CCDC192: variants seen among roughly 807,000 people sequenced by gnomAD.
The protein encoded by CCDC192 is coiled-coil domain containing 192.
chr5:127,911,777 G>T (rs1034607110), intron 6 of CCDC192, among the ~76,000 whole-genome samples: 3 of 147,868 alleles, frequency 2.0e-5, no homozygotes, highest in African/African-American at 7.5e-5. Flanking sequence ...TGTAATCATA[G>T]CTCTCTGCAG....
At chr5:127,836,079 C>T (rs1750022027) in intron 5 of CCDC192, among the ~76,000 whole-genome samples, 1 of 152,224 alleles carries the variant, frequency 6.6e-6, no homozygotes, top group African/African-American at 2.4e-5. Context: ...AAGTTAGTTA[C>T]TTCCAAGATA....
intron 6 of CCDC192, among the ~76,000 whole-genome samples, chr5:127,907,600 G>A (rs1008649843): frequency 1.3e-5 from 2 of 152,008 alleles, no homozygotes; most frequent in African/African-American, 4.8e-5. Context: ...CTATTTCAAA[G>A]GTTTTGCTTT....
At chr5:127,869,127 A>G (rs1751737933) in intron 5 of CCDC192, among the ~76,000 whole-genome samples, 1 of 152,152 alleles carries the variant, frequency 6.6e-6, no homozygotes, top group Non-Finnish European at 1.5e-5. Flanking sequence ...GTTCGAGAGC[A>G]GCCTGGCCAA....
intron 5 of CCDC192, among the ~76,000 whole-genome samples, chr5:127,817,295 A>T (rs955673652): frequency 1.3e-5 from 2 of 152,208 alleles, no homozygotes; most frequent in Non-Finnish European, 2.9e-5. Flanking sequence ...GTTCCTAGGT[A>T]TATACTGCAG....
intron 2 of CCDC192, among the ~76,000 whole-genome samples, chr5:127,730,206 C>A (rs1316464257): frequency 6.6e-6 from 1 of 152,132 alleles, no homozygotes; most frequent in Admixed American, 6.5e-5. Context: ...ACTGACCCCA[C>A]AGAATATACA....
At chr5:127,785,966 C>T (rs530361750) in intron 3 of CCDC192, 1 of 540,752 alleles carries the variant, frequency 1.8e-6, no homozygotes, top group South Asian at 2.0e-5. Flanking sequence ...ATTTTGGGGT[C>T]ATTTAAAGCA....
intron 6 of CCDC192, among the ~76,000 whole-genome samples, chr5:127,895,696 C>T (rs953114236): frequency 2.6e-5 from 4 of 151,904 alleles, no homozygotes. Context: ...AAAAATTAGC[C>T]AGGCACGGTG....
intron 6 of CCDC192, among the ~76,000 whole-genome samples, chr5:127,936,260 T>C (rs1387209415): frequency 6.6e-6 from 1 of 152,224 alleles, no homozygotes; most frequent in East Asian, 1.9e-4. Flanking sequence ...TTGTTATCTA[T>C]TTAGTTATTA....
chr5:127,761,080 T>G (rs1041994444), intron 3 of CCDC192, among the ~76,000 whole-genome samples: 1 of 152,212 alleles, frequency 6.6e-6, no homozygotes, highest in Non-Finnish European at 1.5e-5. Context: ...CTGCTCCCCT[T>G]CAAGCCCATT....
chr5:127,762,601 G>A (rs560020925), intron 3 of CCDC192, among the ~76,000 whole-genome samples: 1 of 152,116 alleles, frequency 6.6e-6, no homozygotes, highest in Non-Finnish European at 1.5e-5. Flanking sequence ...GTGGATTGTT[G>A]GCCTGTTACA....
intron 2 of CCDC192, among the ~76,000 whole-genome samples, chr5:127,734,711 T>G (rs1322585232): frequency 6.8e-6 from 1 of 148,040 alleles, no homozygotes; most frequent in Non-Finnish European, 1.5e-5. Flanking sequence ...GTTTTTTGGC[T>G]GCATAAATGT....
At chr5:127,787,281 C>T (rs532187002) in intron 3 of CCDC192, among the ~76,000 whole-genome samples, 8 of 152,318 alleles carry the variant, frequency 5.3e-5, no homozygotes, top group Admixed American at 1.3e-4. Context: ...AAACCCCCAT[C>T]CCACCAATGT....
chr5:127,915,888 C>T (rs1386078034), intron 6 of CCDC192, among the ~76,000 whole-genome samples: 1 of 152,142 alleles, frequency 6.6e-6, no homozygotes, highest in Non-Finnish European at 1.5e-5. Context: ...GTGGTGGCGG[C>T]TGAAGGTCTG....
chr5:127,916,935 CCT>C (rs1753537136), intron 6 of CCDC192, among the ~76,000 whole-genome samples: 1 of 152,202 alleles, frequency 6.6e-6, no homozygotes, highest in Non-Finnish European at 1.5e-5. Flanking sequence ...CATTGATTCT[CCT>C]CTCTAGCTAG....
intron 2 of CCDC192, among the ~76,000 whole-genome samples, chr5:127,722,038 A>G (rs866217848): frequency 6.6e-6 from 1 of 152,212 alleles, no homozygotes; most frequent in South Asian, 2.1e-4. Flanking sequence ...TATCACCTCC[A>G]TACTGTTCTT....
chr5:127,786,104 T>G, intron 3 of CCDC192: 1 of 991,388 alleles, frequency 1.0e-6, no homozygotes, highest in South Asian at 1.4e-5. Context: ...AAATCTTCAT[T>G]TTTGTCAGCA....
At chr5:127,902,565 CAT>C (rs1427240361) in intron 6 of CCDC192, among the ~76,000 whole-genome samples, 2 of 152,148 alleles carry the variant, frequency 1.3e-5, no homozygotes, top group Non-Finnish European at 2.9e-5. Context: ...ATTCATGAGA[CAT>C]ATATCATATT....
At chr5:127,719,550 TATATATATACACACATAC>T (rs200308947) in intron 2 of CCDC192, among the ~76,000 whole-genome samples, 24,926 of 64,282 alleles carry the variant, frequency 0.39, 3,344 homozygotes, top group South Asian at 0.45. Flanking sequence ...TATATATATA[TATATATATACACACATAC>T]ATATATATAT....
intron 6 of CCDC192, among the ~76,000 whole-genome samples, chr5:127,891,409 C>G (rs1202756086): frequency 6.6e-6 from 1 of 152,176 alleles, no homozygotes; most frequent in Non-Finnish European, 1.5e-5. Flanking sequence ...GTGAGGGATT[C>G]TTATCTTTCA....
Sources: gnomAD v4.1 joint callset for allele counts (sites outside exome capture counted in the v4.1 genomes callset) on GRCh38, gnomAD v4.1.1 for gene constraint, MANE v1.5 for transcripts, NCBI Gene and HGNC (gene_info 2026-07-23, HGNC 2026-07-21) for gene names.